The following TRAPPC9 variants were observed in gnomAD, a reference collection of about 807,000 sequenced individuals.
The protein encoded by TRAPPC9 is IKK2 binding protein.
A neutral mutation model predicts 124.0 loss-of-function variants in TRAPPC9; 83 were observed. The ratio of observed to expected loss-of-function variants is 0.67; its 90% CI spans 0.56 to 0.80. TRAPPC9 has a LOEUF of 0.80. Ranked by LOEUF, TRAPPC9 falls within the 30% of genes least tolerant of loss-of-function variation. TRAPPC9 has a pLI of 0.00. For missense variants in TRAPPC9, 1,302 were observed against 1,508.3 expected, an observed-to-expected ratio of 0.86 and a Z score of 2.27; for synonymous variants, 638 against 617.5, an observed-to-expected ratio of 1.03 and a Z score of -0.49.
At chr8:140,205,149 T>C (rs936689609) in intron 17 of TRAPPC9, among the ~76,000 whole-genome samples, 1 of 152,240 alleles carries the variant, frequency 6.6e-6, no homozygotes, top group Non-Finnish European at 1.5e-5. Flanking sequence ...ACAATGATTC[T>C]AATGTATAAC....
At chr8:140,026,411 A>AT (rs1387803982) in intron 17 of TRAPPC9, among the ~76,000 whole-genome samples, 1 of 152,050 alleles carries the variant, frequency 6.6e-6, no homozygotes, top group Admixed American at 6.6e-5. Flanking sequence ...AAGCCACCAT[A>AT]TTGTTTCGCA....
chr8:139,793,428 A>G (rs932284697), intron 21 of TRAPPC9, among the ~76,000 whole-genome samples: 1 of 152,050 alleles, frequency 6.6e-6, no homozygotes, highest in Non-Finnish European at 1.5e-5. Flanking sequence ...CCCCAGCAGC[A>G]TTTCTTCAAG....
intron 7 of TRAPPC9, among the ~76,000 whole-genome samples, chr8:140,371,684 G>A (rs1009209064): frequency 6.6e-6 from 1 of 152,066 alleles, no homozygotes; most frequent in African/African-American, 2.4e-5. Context: ...ACCCTGTAGT[G>A]TAGCAATCAT....
Position 140,451,341 on chromosome 8 carries a change from C to T in TRAPPC9, c.33G>A (p.Glu11=). MSVPDYMQCA[E]DHQTLLVVVQ... ...CCACCACGAGCAGCGTCTGGTGGTCCTCAGCACACTGCATGTAGTCAGGGA... is the reference window on the plus strand; with the variant it reads ...CCACCACGAGCAGCGTCTGGTGGTCTTCAGCACACTGCATGTAGTCAGGGA... Residue 11 remains glutamate, a synonymous_variant, in exon 2 of 23, where the codon GAG becomes GAA. Coordinates refer to ENST00000438773, the MANE Select transcript of TRAPPC9 (RefSeq NM_001160372.4). 6.2e-7 allele frequency: 1 copy of T among 1,605,694 alleles called. No homozygotes were observed. Among genetic ancestry groups the T allele is most frequent in the Non-Finnish European group, 8.5e-7 (1 of 1,180,006 alleles).
intron 17 of TRAPPC9, among the ~76,000 whole-genome samples, chr8:140,168,264 G>C (rs1275734834): frequency 6.6e-6 from 1 of 152,194 alleles, no homozygotes; most frequent in Non-Finnish European, 1.5e-5. Flanking sequence ...AGGTGACATT[G>C]GCATAATGTA....
intron 20 of TRAPPC9, among the ~76,000 whole-genome samples, chr8:139,906,617 A>C (rs1302639404): frequency 6.6e-6 from 1 of 152,178 alleles, no homozygotes; most frequent in Non-Finnish European, 1.5e-5. Flanking sequence ...ACAGGCACTC[A>C]GAGGCCACCC....
At chr8:139,865,402 A>G (rs1828455659) in intron 21 of TRAPPC9, among the ~76,000 whole-genome samples, 2 of 152,230 alleles carry the variant, frequency 1.3e-5, no homozygotes, top group South Asian at 4.1e-4. Flanking sequence ...CACTCATTCA[A>G]CAAGCATTTA....
At chr8:140,424,959 G>C (rs2132544074) in intron 5 of TRAPPC9, among the ~76,000 whole-genome samples, 1 of 152,312 alleles carries the variant, frequency 6.6e-6, no homozygotes, top group East Asian at 1.9e-4. Flanking sequence ...TCACATGAAT[G>C]GGTTTTCCGG....
At chr8:139,765,260 T>C (rs921199542) in intron 21 of TRAPPC9, among the ~76,000 whole-genome samples, 5 of 152,088 alleles carry the variant, frequency 3.3e-5, no homozygotes, top group Admixed American at 2.0e-4. Flanking sequence ...CAAGTTCTGG[T>C]AGGAGAAGGG....
At chr8:140,169,746 C>T (rs1411024872) in intron 17 of TRAPPC9, among the ~76,000 whole-genome samples, 3 of 152,184 alleles carry the variant, frequency 2.0e-5, no homozygotes, top group African/African-American at 7.2e-5. Context: ...TGGTGGTTTT[C>T]AGAGCCGGGG....
At chr8:140,370,831 C>A in intron 8 of TRAPPC9, 133 bp downstream of exon 8, 1 of 975,786 alleles carries the variant, frequency 1.0e-6, no homozygotes. Flanking sequence ...CACCCAACTC[C>A]AGGGCAGGGA....
At chr8:140,301,358 G>A (rs1213669819) in intron 10 of TRAPPC9, among the ~76,000 whole-genome samples, 1 of 152,250 alleles carries the variant, frequency 6.6e-6, no homozygotes, top group East Asian at 1.9e-4. Flanking sequence ...GCTAACCACT[G>A]CATATGTATT....
At chr8:140,389,744 G>A (rs919632915) in intron 7 of TRAPPC9, among the ~76,000 whole-genome samples, 1 of 150,774 alleles carries the variant, frequency 6.6e-6, no homozygotes, top group Non-Finnish European at 1.5e-5. Context: ...ATAAGTGTCT[G>A]TAATATGCTC....
intron 21 of TRAPPC9, among the ~76,000 whole-genome samples, chr8:139,853,037 G>C (rs1249165432): frequency 6.6e-6 from 1 of 152,160 alleles, no homozygotes; most frequent in Non-Finnish European, 1.5e-5. Flanking sequence ...TCTTTCCCGT[G>C]AGTCTAGGCT....
At chr8:139,861,100 G>T (rs1298838791) in intron 21 of TRAPPC9, among the ~76,000 whole-genome samples, 1 of 152,254 alleles carries the variant, frequency 6.6e-6, no homozygotes, top group Non-Finnish European at 1.5e-5. Context: ...AGAAATGCTT[G>T]TTCCCTGCTG....
rs753856420 is a variant in TRAPPC9, at chr8:140,311,341, T to C, written c.1529A>G (p.Tyr510Cys). The C allele has an allele frequency of 1.9e-6, 3 of 1,613,880 alleles. No homozygotes were observed. The highest frequency in any genetic ancestry group is 1.7e-5 in the Admixed American group (1 of 60,004). Reference sequence around the variant, plus strand: ...CATGGTCCCAGGACACTTGGACGTATAGTTCTCTAGGCTTTGGGCCACATC... The same window carrying C: ...CATGGTCCCAGGACACTTGGACGTACAGTTCTCTAGGCTTTGGGCCACATC... ...KKDVAQSLEN[Y>C]TSKCPGTMEP... is the part of the protein sequence containing the mutation. The change falls in exon 10 of 23, where the codon TAT becomes TGT. Residue 510 changes from tyrosine (Y) to cysteine (C), a missense_variant. Coordinates refer to ENST00000438773, the MANE Select transcript of TRAPPC9 (RefSeq NM_001160372.4).
chr8:140,417,048 C>T (rs949071184), intron 5 of TRAPPC9, among the ~76,000 whole-genome samples: 3 of 152,144 alleles, frequency 2.0e-5, no homozygotes, highest in Non-Finnish European at 2.9e-5. Flanking sequence ...CTCTTCCTTA[C>T]ACCTTATACA....
At chr8:140,326,530 A>G (rs142699429) in intron 9 of TRAPPC9, among the ~76,000 whole-genome samples, 392 of 152,282 alleles carry the variant, frequency 2.6e-3, no homozygotes, top group African/African-American at 8.6e-3. Context: ...TAATGTCTCA[A>G]CAACTTATTT....
intron 2 of TRAPPC9, among the ~76,000 whole-genome samples, chr8:140,449,279 C>T (rs147836386): frequency 3.3e-5 from 5 of 152,358 alleles, no homozygotes; most frequent in Admixed American, 6.5e-5. Flanking sequence ...GAATCCTCAC[C>T]TGTGGCTCAT....
Sources: allele counts gnomAD v4.1 joint callset (sites outside exome capture counted in the v4.1 genomes callset), GRCh38; gene constraint gnomAD v4.1.1; transcripts MANE v1.5; gene names NCBI Gene and HGNC (gene_info 2026-07-23, HGNC 2026-07-21).